DLAT: variants seen among roughly 807,000 people sequenced by gnomAD.
DLAT encodes the protein dihydrolipoyllysine-residue acetyltransferase component of pyruvate dehydrogenase complex, mitochondrial.
In DLAT, 43 loss-of-function variants were observed where a neutral mutation model predicts 68.0. That is an observed-to-expected ratio of 0.63 (90% CI 0.50 to 0.81). DLAT has a LOEUF of 0.81. Among genes scored for constraint, DLAT ranks in the 40% least tolerant of loss-of-function variants. The probability of loss-of-function intolerance (pLI) is 0.00; values close to 1 mark genes in which losing one functional copy is unlikely to be tolerated. For missense variants in DLAT, 745 were observed against 815.4 expected, an observed-to-expected ratio of 0.91 and a Z score of 1.05; for synonymous variants, 265 against 288.6, an observed-to-expected ratio of 0.92 and a Z score of 0.83.
intron 10 of DLAT, among the ~76,000 whole-genome samples, chr11:112,048,059 T>G (rs1210767549): frequency 1.3e-5 from 2 of 152,234 alleles, no homozygotes; most frequent in Non-Finnish European, 2.9e-5. Context: ...CTTTGGGCAG[T>G]ATGTCCATTT....
chr11:112,032,809 TA>T (rs1449078073), intron 4 of DLAT, among the ~76,000 whole-genome samples: 3 of 152,228 alleles, frequency 2.0e-5, no homozygotes, highest in Non-Finnish European at 4.4e-5. Flanking sequence ...CTCACGCCTG[TA>T]ATCCCAGCAC....
chr11:112,055,367 C>T (rs1323576798), intron 11 of DLAT, among the ~76,000 whole-genome samples: 1 of 151,558 alleles, frequency 6.6e-6, no homozygotes, highest in Non-Finnish European at 1.5e-5. Context: ...CCTCAGCCTC[C>T]CGAGTAGCTG....
intron 6 of DLAT, among the ~76,000 whole-genome samples, chr11:112,038,438 A>G (rs1293644182): frequency 6.7e-6 from 1 of 149,940 alleles, no homozygotes; most frequent in Non-Finnish European, 1.5e-5. Flanking sequence ...ACCTCAGGTG[A>G]TCCACCCACC....
At chr11:112,046,629 C>G (rs1289856229) in intron 10 of DLAT, among the ~76,000 whole-genome samples, 2 of 151,958 alleles carry the variant, frequency 1.3e-5, no homozygotes, top group East Asian at 1.9e-4. Context: ...CCCCCACCCC[C>G]CTACAGGTCC....
At position 112,051,417 on chromosome 11, in the gene DLAT, G is replaced by A; in HGVS notation, c.1514+68G>A. The stretch of plus-strand genomic sequence containing the variant: ...TTGTATTATTTAATGTGTGAGTGGA[G>A]TTGAGGGGATAAGGAGAAATGGAAT... On this transcript the variant is annotated intron_variant, in intron 11 of 13. Transcript: ENST00000280346. The surrounding 1 kb of genome is among the most constrained non-coding windows in gnomAD (Gnocchi z 4.3). The A allele has an allele frequency of 8.7e-7, 1 of 1,147,608 alleles. No individual in the cohort carries two copies. The highest frequency in any genetic ancestry group is 1.2e-5 in the South Asian group (1 of 81,114). The allele number at this position is 1,147,608 out of a possible 1,614,324, so 71.1% of individuals were successfully genotyped here.
At chr11:112,026,959 C>T (rs1405774412) in intron 2 of DLAT, among the ~76,000 whole-genome samples, 6 of 150,568 alleles carry the variant, frequency 4.0e-5, no homozygotes, top group African/African-American at 4.9e-5. Context: ...CCCCCACTTC[C>T]CTCCCGGACG....
intron 11 of DLAT, among the ~76,000 whole-genome samples, chr11:112,056,485 T>C (rs1488513686): frequency 6.6e-6 from 1 of 152,238 alleles, no homozygotes; most frequent in African/African-American, 2.4e-5. Context: ...CGAAATGTTT[T>C]TGAGACTCAT....
intron 4 of DLAT, among the ~76,000 whole-genome samples, chr11:112,031,689 T>G (rs2137717328): frequency 6.6e-6 from 1 of 151,070 alleles, no homozygotes; most frequent in Non-Finnish European, 1.5e-5. Context: ...TCCTCCCACC[T>G]CAGCCTCCCA....
chr11:112,060,205 A>G, intron 12 of DLAT, 140 bp downstream of exon 12: 1 of 703,060 alleles, frequency 1.4e-6, no homozygotes, highest in East Asian at 3.1e-5. Flanking sequence ...TCTGTCACCC[A>G]GGCTGGAGTG....
Position 112,025,418 on chromosome 11 carries a change from G to A in DLAT, c.-55G>A. On this transcript the variant is annotated 5_prime_UTR_variant, in exon 1 of 14. Coordinates refer to ENST00000280346, the MANE Select transcript of DLAT (RefSeq NM_001931.5). Reference sequence around the variant, plus strand: ...GCTGACGGCAACGCCGCTGCTCTTGGAGAGGTCACTCCGGAGACGGCGTTG... The same window carrying A: ...GCTGACGGCAACGCCGCTGCTCTTGAAGAGGTCACTCCGGAGACGGCGTTG... 6.3e-7 allele frequency: 1 copy of A among 1,577,350 alleles called. No homozygotes were observed. The highest frequency in any genetic ancestry group is 8.6e-7 in the Non-Finnish European group (1 of 1,166,664).
At chr11:112,058,447 G>T (rs964147564) in intron 11 of DLAT, among the ~76,000 whole-genome samples, 6 of 152,116 alleles carry the variant, frequency 3.9e-5, no homozygotes, top group Non-Finnish European at 8.8e-5. Context: ...TTTGGAGCTT[G>T]TGCCTAGAAA....
intron 7 of DLAT, among the ~76,000 whole-genome samples, chr11:112,042,928 G>T (rs943668651): frequency 1.3e-5 from 2 of 152,284 alleles, no homozygotes; most frequent in South Asian, 4.1e-4. Context: ...CTATTTTGGG[G>T]TGAAAAAATC....
At chr11:112,035,737 T>G (rs2851190) in intron 5 of DLAT, among the ~76,000 whole-genome samples, 4 of 316 alleles carry the variant, frequency 0.013, no homozygotes, top group African/African-American at 0.035. Context: ...TCTGACTGCC[T>G]TGTGCCTCCC....
chr11:112,055,180 G>C (rs1020834606), intron 11 of DLAT, among the ~76,000 whole-genome samples: 6 of 151,526 alleles, frequency 4.0e-5, no homozygotes, highest in Non-Finnish European at 5.9e-5. Context: ...TCTGGAGCCT[G>C]GCAGAAATGG....
intron 4 of DLAT, among the ~76,000 whole-genome samples, chr11:112,031,661 ACCT>A (rs1555179959): frequency 6.7e-6 from 1 of 149,890 alleles, no homozygotes; most frequent in African/African-American, 2.5e-5. Context: ...TGTAGCCTTG[ACCT>A]CCTGGCTCAA....
At position 112,063,053 on chromosome 11, in the gene DLAT, G is replaced by A. The variant is rs797035190; in HGVS notation, c.*518G>A. 1 of 156,244 alleles carries A rather than the reference G, an allele frequency of 6.4e-6. No individual in the cohort carries two copies. The highest frequency in any genetic ancestry group is 2.4e-5 in the African/African-American group (1 of 41,568). The allele number at this position is 156,244 out of a possible 1,614,324, so 9.7% of individuals were successfully genotyped here. ...CATTACATGATCTTGGTTTATCATC[G>A]ATGGGAAGGGTAGAAAACTTCAAGG... On this transcript the variant is annotated 3_prime_UTR_variant, in exon 14 of 14. Coordinates refer to ENST00000280346, the MANE Select transcript of DLAT (RefSeq NM_001931.5).
At position 112,052,241 on chromosome 11, in the gene DLAT, C is replaced by A. The variant is rs140276608; in HGVS notation, c.1514+892C>A. 1.2e-3 allele frequency among the ~76,000 whole-genome samples: 176 copies of A among 152,234 alleles called. 1 individual carries two copies. Among genetic ancestry groups the A allele is most frequent in the African/African-American group, 3.8e-3 (158 of 41,550 alleles). On this transcript the variant is annotated intron_variant, in intron 11 of 13. Coordinates refer to ENST00000280346, the MANE Select transcript of DLAT (RefSeq NM_001931.5). ...GGCAGGGGTGGGGAGGGTTTCCCCACACACCAACCAAACAATTAATTCTGC... is the reference window on the plus strand; with the variant it reads ...GGCAGGGGTGGGGAGGGTTTCCCCAAACACCAACCAAACAATTAATTCTGC...
intron 10 of DLAT, among the ~76,000 whole-genome samples, chr11:112,049,765 C>T (rs1364230174): frequency 6.6e-6 from 1 of 151,994 alleles, no homozygotes; most frequent in African/African-American, 2.4e-5. Flanking sequence ...TTGCTGAAGT[C>T]ATTTATTAGT....
intron 10 of DLAT, among the ~76,000 whole-genome samples, chr11:112,050,442 G>A (rs782547346): frequency 6.6e-6 from 1 of 151,832 alleles, no homozygotes; most frequent in Non-Finnish European, 1.5e-5. Context: ...AAGAATTTGT[G>A]AGGAATTGAT....
Sources: allele counts gnomAD v4.1 joint callset (sites outside exome capture counted in the v4.1 genomes callset), GRCh38; gene constraint gnomAD v4.1.1; non-coding constraint Gnocchi (gnomAD v3.1); transcripts MANE v1.5; gene names NCBI Gene and HGNC (gene_info 2026-07-23, HGNC 2026-07-21).